The following TIMM50 variants were observed in gnomAD, a reference collection of about 807,000 sequenced individuals.
TIMM50 encodes mitochondrial import inner membrane translocase subunit TIM50.
A neutral mutation model predicts 49.6 loss-of-function variants in TIMM50; 34 were observed. The ratio of observed to expected loss-of-function variants is 0.69; its 90% CI spans 0.52 to 0.91. TIMM50 has a LOEUF of 0.91. TIMM50 is among the 40% of genes least tolerant of loss of function. TIMM50 has a pLI of 0.00. For synonymous variants in TIMM50, 199 were observed against 198.4 expected, an observed-to-expected ratio of 1.00 and a Z score of -0.03; for missense variants, 458 against 477.8, an observed-to-expected ratio of 0.96 and a Z score of 0.39.
In TIMM50 at chr19:39,488,585, C is replaced by T; in HGVS notation, c.900C>T (p.His300=). The change falls in exon 10 of 11, where the codon CAC becomes CAT. Residue 300 remains histidine (H), a synonymous_variant. Coordinates refer to ENST00000607714, the MANE Select transcript of TIMM50 (RefSeq NM_001001563.5). ...AGGACGTGCGAACCGTGCTGGAGCA[C>T]TATGCCCTGGAGGATGACCCGCTGG... The part of the protein sequence containing the change: ...GVEDVRTVLE[H]YALEDDPLAA... 12 of 1,613,490 alleles carry T rather than the reference C, an allele frequency of 7.4e-6. No individual in the cohort carries two copies. The highest frequency in any genetic ancestry group is 6.7e-5 in the Admixed American group (4 of 60,022).
At chr19:39,481,030 C>A in intron 1 of TIMM50, 69 bp downstream of exon 1, 1 of 1,470,612 alleles carries the variant, frequency 6.8e-7, no homozygotes, top group South Asian at 1.4e-5. Context: ...TATCGCCGCC[C>A]CTTGGGGGTT....
At chr19:39,482,059 G>C in intron 2 of TIMM50, 26 bp downstream of exon 2, 1 of 1,604,824 alleles carries the variant, frequency 6.2e-7, no homozygotes. Context: ...CTGTCCCCCA[G>C]TTTTGTTCCT....
At position 39,482,114 on chromosome 19, in the gene TIMM50, C is replaced by G. The variant is rs550259208; in HGVS notation, c.259+81C>G. The G allele has an allele frequency of 1.1e-5, 17 of 1,537,010 alleles. No homozygotes were observed. The East Asian group carries it at 3.4e-4, about 31-fold the overall frequency. The stretch of plus-strand genomic sequence containing the variant: ...TGGAACCTCCCACTCTTGCCCACTA[C>G]CAGCTTCTCTCGTCTTCATTCCCTG... On this transcript the variant is annotated intron_variant, in intron 2 of 10. Transcript: ENST00000607714.
chr19:39,485,660 G>T (rs1373348450), intron 5 of TIMM50, 28 bp from the exon 6 acceptor site: 1 of 1,613,934 alleles, frequency 6.2e-7, no homozygotes, highest in Non-Finnish European at 8.5e-7. Flanking sequence ...CCTTGTCTGA[G>T]CGCCCCCATC....
In TIMM50 at chr19:39,486,515, G is replaced by A. The variant is rs1163170199; in HGVS notation, c.696+20G>A. 1.2e-6 allele frequency: 2 copies of A among 1,611,306 alleles called. No homozygotes were observed. The highest frequency in any genetic ancestry group is 1.7e-5 in the Admixed American group (1 of 60,016). On this transcript the variant is annotated intron_variant, in intron 8 of 10. Coordinates refer to ENST00000607714, the MANE Select transcript of TIMM50 (RefSeq NM_001001563.5). ...GTAAAGGTGCCGTGGGTTCATGGGT[G>A]GGCCTCTGGGATTTGGCGGAGTTGG...
rs1199465697 is a variant in TIMM50 at position 39,490,001 on chromosome 19, G to A, written c.*181G>A. 2 of 618,370 alleles carry A rather than the reference G, an allele frequency of 3.2e-6. No homozygotes were observed. Among genetic ancestry groups the A allele is most frequent in the African/African-American group, 3.7e-5 (2 of 54,306 alleles). The allele number at this position is 618,370 out of a possible 1,614,324, so 38.3% of individuals were successfully genotyped here. ...ACTCTTGGGTCATCGTCCCACAGTG[G>A]CTGATCGGCTGCCAAGCACAGTGGG... On this transcript the variant is annotated 3_prime_UTR_variant, in exon 11 of 11. Transcript: ENST00000607714.
chr19:39,489,576 A>G, intron 10 of TIMM50, 143 bp from the exon 11 acceptor site: 1 of 786,424 alleles, frequency 1.3e-6, no homozygotes. Flanking sequence ...TGGGGGCCCC[A>G]GGGTTTGGGG....
intron 1 of TIMM50, 93 bp downstream of exon 1, chr19:39,481,054 C>T (rs902271298): frequency 7.1e-7 from 1 of 1,401,700 alleles, no homozygotes; most frequent in Non-Finnish European, 9.3e-7. Flanking sequence ...GGACGCCTCA[C>T]CTCAGGGTGC....
At chr19:39,484,389 G>A (rs774831122) in intron 4 of TIMM50, among the ~76,000 whole-genome samples, 1 of 152,084 alleles carries the variant, frequency 6.6e-6, no homozygotes. Context: ...GGATGACAGA[G>A]TGAGTCTCCA....
intron 8 of TIMM50, 103 bp downstream of exon 8, chr19:39,486,598 C>A: frequency 9.3e-7 from 1 of 1,080,752 alleles, no homozygotes; most frequent in Non-Finnish European, 1.4e-6. Context: ...GCTTATGGTT[C>A]TGCCCAGATT....
rs146283188 is a variant in TIMM50, at chr19:39,483,967, C to T, written c.313+811C>T. 1.0e-2 allele frequency among the ~76,000 whole-genome samples: 1,518 copies of T among 152,204 alleles called. 30 individuals carry two copies. Among genetic ancestry groups the T allele is most frequent in the African/African-American group, 0.031 (1,270 of 41,530 alleles). On this transcript the variant is annotated intron_variant, in intron 4 of 10. Coordinates refer to ENST00000607714, the MANE Select transcript of TIMM50 (RefSeq NM_001001563.5). ...CTCCTGGGTTCAAGCATTTCTCGTG[C>T]CTCAGCCTCCCGAGTAGCTGGGAGT...
chr19:39,485,320 G>A, intron 4 of TIMM50: 1 of 594,586 alleles, frequency 1.7e-6, no homozygotes, highest in Non-Finnish European at 3.0e-6. Context: ...ACCTGGGGTA[G>A]TATGTGGATA....
rs531741924 is a variant in TIMM50, at chr19:39,482,110, A to G, written c.259+77A>G. Reference sequence around the variant, plus strand: ...ACTGTGGAACCTCCCACTCTTGCCCACTACCAGCTTCTCTCGTCTTCATTC... The same window carrying G: ...ACTGTGGAACCTCCCACTCTTGCCCGCTACCAGCTTCTCTCGTCTTCATTC... On this transcript the variant is annotated intron_variant, in intron 2 of 10. Coordinates refer to ENST00000607714, the MANE Select transcript of TIMM50 (RefSeq NM_001001563.5). 68 of 1,545,748 alleles carry G rather than the reference A, an allele frequency of 4.4e-5. No homozygotes were observed. The African/African-American group carries it at 8.9e-4, about 20-fold the overall frequency.
chr19:39,485,957 C>T, intron 6 of TIMM50, 150 bp downstream of exon 6: 1 of 1,268,638 alleles, frequency 7.9e-7, no homozygotes, highest in South Asian at 1.3e-5. Context: ...AGAAGGCAGT[C>T]ATGCTAACAC....
At position 39,481,166 on chromosome 19, in the gene TIMM50, C is replaced by T. The variant is rs555889911; in HGVS notation, c.108+205C>T. The T allele has an allele frequency of 1.6e-3, 1,031 of 633,792 alleles. 2 individuals carry two copies. Among genetic ancestry groups the T allele is most frequent in the Non-Finnish European group, 2.4e-3 (926 of 391,190 alleles). 39.3% of individuals were successfully genotyped at this position (633,792 alleles called of 1,614,324 possible). ...ATCCAGGTGTGTCCTTAGACCCCAC[C>T]TCCCACCCACGTGGGTGCCGGAGGA... On this transcript the variant is annotated intron_variant, in intron 1 of 10. Coordinates refer to ENST00000607714, the MANE Select transcript of TIMM50 (RefSeq NM_001001563.5).
chr19:39,485,123 A>ATTT, intron 4 of TIMM50: 1 of 155,774 alleles, frequency 6.4e-6, no homozygotes, highest in Non-Finnish European at 1.4e-5. Flanking sequence ...CGCCCGGCTA[A>ATTT]TTTTTTTTTT....
chr19:39,488,135 G>T lies in TIMM50; in HGVS notation c.771G>T (p.Gln257His). 2 of 1,614,044 alleles carry T rather than the reference G, an allele frequency of 1.2e-6. No homozygotes were observed. Among genetic ancestry groups the T allele is most frequent in the Non-Finnish European group, 1.7e-6 (2 of 1,179,912 alleles). ...VDCKKEAFRL[Q>H]PYNGVALRPW... ...GCAAGAAGGAAGCCTTCCGCCTGCA[G>T]CCCTATAACGGCGTTGCCCTGCGGC... Residue 257 changes from glutamine (Q) to histidine (H), a missense_variant, in exon 9 of 11, where the codon CAG becomes CAT. Transcript: ENST00000607714.
At chr19:39,485,968 C>A in intron 6 of TIMM50, 161 bp downstream of exon 6, 1 of 1,235,398 alleles carries the variant, frequency 8.1e-7, no homozygotes, top group Non-Finnish European at 1.1e-6. Context: ...ATGCTAACAC[C>A]CACTCTGTAG....
Position 39,490,248 on chromosome 19 carries a change from G to T in TIMM50, c.*428G>T. On this transcript the variant is annotated 3_prime_UTR_variant, in exon 11 of 11. Coordinates refer to ENST00000607714, the MANE Select transcript of TIMM50 (RefSeq NM_001001563.5). Reference sequence around the variant, plus strand: ...TGTGTTATGGGCCTAGTGGGCCTCTGGTGGACCAGAGATTACCCCTCTCAA... The same window carrying T: ...TGTGTTATGGGCCTAGTGGGCCTCTTGTGGACCAGAGATTACCCCTCTCAA... The T allele has an allele frequency of 6.2e-6, 1 of 160,136 alleles. No homozygotes were observed. The highest frequency in any genetic ancestry group is 1.4e-5 in the Non-Finnish European group (1 of 73,056). 9.9% of individuals were successfully genotyped at this position (160,136 alleles called of 1,614,324 possible). A position where few individuals can be genotyped will look rare whatever the true frequency, so the allele number is the denominator to read the frequency against.
Sources: gnomAD v4.1 joint callset for allele counts (sites outside exome capture counted in the v4.1 genomes callset) on GRCh38, gnomAD v4.1.1 for gene constraint, MANE v1.5 for transcripts, NCBI Gene and HGNC (gene_info 2026-07-23, HGNC 2026-07-21) for gene names.